The following GRIN2D variants were observed in gnomAD, a reference collection of about 807,000 sequenced individuals.
GRIN2D encodes the protein glutamate receptor ionotropic, NMDA 2D.
Under a neutral mutation model 103.2 loss-of-function variants are expected in GRIN2D, and 37 were observed. The ratio of observed to expected loss-of-function variants is 0.36; its 90% confidence interval spans 0.28 to 0.47. The LOEUF is 0.47. GRIN2D is among the 20% of genes least tolerant of loss of function. GRIN2D has a pLI of 1.00. For synonymous variants in GRIN2D, 845 were observed against 885.6 expected (o/e 0.95, Z 0.81); for missense variants, 1,557 against 1,910.6 (o/e 0.81, Z 3.45).
chr19:48,410,870 G>A (rs916051136), intron 4 of GRIN2D, among the ~76,000 whole-genome samples: 1 of 152,062 alleles, frequency 6.6e-6, no homozygotes, highest in East Asian at 1.9e-4. Flanking sequence ...CGGGAGGGAG[G>A]AAGGCGGCTA....
At chr19:48,440,446 A>G (rs1053867694) in intron 11 of GRIN2D, among the ~76,000 whole-genome samples, 1 of 152,066 alleles carries the variant, frequency 6.6e-6, no homozygotes, top group African/African-American at 2.4e-5. Flanking sequence ...TACAAAAATT[A>G]GCCAGATGTG....
chr19:48,424,265 A>ATTTT (rs569050730), intron 11 of GRIN2D, among the ~76,000 whole-genome samples: 11 of 101,364 alleles, frequency 1.1e-4, no homozygotes, highest in African/African-American at 1.5e-4. Context: ...AAAAAAAAAA[A>ATTTT]TTTTTTTTTT....
Position 48,443,735 on chromosome 19 carries a change from G to T in GRIN2D, c.3809G>T (p.Arg1270Leu). The change falls in exon 14 of 14, where the codon CGC (arginine) becomes CTC (leucine). Residue 1270 changes from arginine to leucine, a missense_variant. Arg to Leu is a moderately radical substitution (Grantham distance 102). Around this residue, in one of 7 missense-constraint regions of GRIN2D, gnomAD observed 11 missense variants for 29.1 expected, o/e 0.38. Coordinates refer to ENST00000263269, the MANE Select transcript of GRIN2D (RefSeq NM_000836.4). This position sits in a 1 kb window ranked among gnomAD's most constrained non-coding sequence, Gnocchi z 8.9. ...CTCCCGCCGCCCGCGCCCACCTCGC[G>T]CTCGCTCGAGGACCTCAGCTCGTGC... The part of the protein sequence containing the change: ...WDLPPPAPTS[R>L]SLEDLSSCPR... 7.4e-7 allele frequency: 1 copy of T among 1,354,476 alleles called. No individual in the cohort carries two copies. Among genetic ancestry groups the T allele is most frequent in the Non-Finnish European group, 9.5e-7 (1 of 1,054,778 alleles). 83.9% of individuals were successfully genotyped at this position (1,354,476 alleles called of 1,614,324 possible). A position where few individuals can be genotyped will look rare whatever the true frequency, so the allele number is the denominator to read the frequency against.
At chr19:48,412,922 G>A (rs1970893709) in intron 4 of GRIN2D, among the ~76,000 whole-genome samples, 1 of 148,844 alleles carries the variant, frequency 6.7e-6, no homozygotes, top group African/African-American at 2.5e-5. Context: ...CTGAGGCTGA[G>A]GTCAGGAGTT....
chr19:48,402,171 A>AAAGAAAGAAAGAAAGAAAGAGAGAGG (rs1970724646), intron 3 of GRIN2D, among the ~76,000 whole-genome samples: 1 of 151,808 alleles, frequency 6.6e-6, no homozygotes, highest in African/African-American at 2.4e-5. Flanking sequence ...AAAGAAAGAG[A>AAAGAAAGAAAGAAAGAAAGAGAGAGG]GAAAAGAAAA....
At chr19:48,395,791 C>T (rs540846144) in intron 2 of GRIN2D, among the ~76,000 whole-genome samples, 13 of 151,972 alleles carry the variant, frequency 8.6e-5, no homozygotes, top group Non-Finnish European at 1.8e-4. Flanking sequence ...AAAGGGGATC[C>T]TTAAGGGAGG....
intron 10 of GRIN2D, among the ~76,000 whole-genome samples, chr19:48,420,085 G>A (rs1971001715): frequency 6.6e-6 from 1 of 152,092 alleles, no homozygotes; most frequent in Non-Finnish European, 1.5e-5. Context: ...TGTCAAATAG[G>A]ATATTCTAGA....
chr19:48,435,051 C>T (rs987672100), intron 11 of GRIN2D, among the ~76,000 whole-genome samples: 1 of 152,180 alleles, frequency 6.6e-6, no homozygotes, highest in South Asian at 2.1e-4. Context: ...TTTCTATATA[C>T]AATTCTATTA....
In GRIN2D at chr19:48,412,425, GA is replaced by G. The variant is rs1002224728; in HGVS notation, c.1086-1563del. On this transcript the variant is annotated intron_variant, in intron 4 of 13. Transcript: ENST00000263269. ...AAGAAAGAAAGAAAGAGAAAGAAAAGAAAGAAAGAAAGAAAGAAAGAAAGAA... is the reference window on the plus strand; with the variant it reads ...AAGAAAGAAAGAAAGAGAAAGAAAAGAAGAAAGAAAGAAAGAAAGAAAGAA... Among the ~76,000 whole-genome samples the G allele has an allele frequency of 4.2e-5, 2 of 48,150 alleles. 1 individual carries two copies. Among genetic ancestry groups the G allele is most frequent in the South Asian group, 1.3e-3 (2 of 1,596 alleles). The allele number at this position is 48,150 out of a possible 152,430, so 31.6% of individuals were successfully genotyped here. A position where few individuals can be genotyped will look rare whatever the true frequency, so the allele number is the denominator to read the frequency against.
chr19:48,417,426 G>A (rs567039456), intron 8 of GRIN2D, among the ~76,000 whole-genome samples: 12 of 152,268 alleles, frequency 7.9e-5, no homozygotes, highest in East Asian at 1.9e-4. Context: ...TTGGGTAGAG[G>A]GACCATTGCT....
At chr19:48,431,153 T>C (rs1201036698) in intron 11 of GRIN2D, among the ~76,000 whole-genome samples, 2 of 152,204 alleles carry the variant, frequency 1.3e-5, no homozygotes, top group East Asian at 1.9e-4. Flanking sequence ...GTTGCTCTTA[T>C]GGCCTTCTGG....
Position 48,442,146 on chromosome 19 carries a change from C to G in GRIN2D, c.2441-4C>G, listed in dbSNP as rs774325833. On this transcript the variant is annotated splice_region_variant and splice_polypyrimidine_tract_variant and intron_variant, in intron 12 of 13. Transcript: ENST00000263269. This position sits in a 1 kb window ranked among gnomAD's most constrained non-coding sequence, Gnocchi z 7.2. ...GCAGGTGACTTTTGACCGCCCCTCC[C>G]TAGATGAGATCGAGATGCTGGAGCG... 4.4e-5 allele frequency: 71 copies of G among 1,613,580 alleles called. 2 individuals carry two copies. In the South Asian group the frequency reaches 7.7e-4, roughly 17 times the overall value.
At chr19:48,436,861 G>A (rs2147470751) in intron 11 of GRIN2D, among the ~76,000 whole-genome samples, 1 of 152,276 alleles carries the variant, frequency 6.6e-6, no homozygotes, top group South Asian at 2.1e-4. Context: ...CTTGGGAGAT[G>A]AGGGCAGATG....
chr19:48,432,590 C>T (rs941184628), intron 11 of GRIN2D, among the ~76,000 whole-genome samples: 1 of 150,990 alleles, frequency 6.6e-6, no homozygotes, highest in Non-Finnish European at 1.5e-5. Context: ...GCAATCCTCT[C>T]GCCTCAGCCT....
intron 11 of GRIN2D, among the ~76,000 whole-genome samples, chr19:48,434,606 TA>T (rs1971205887): frequency 6.6e-6 from 1 of 151,770 alleles, no homozygotes; most frequent in Non-Finnish European, 1.5e-5. Context: ...TTTTTAATTG[TA>T]TTTTTTTTTT....
intron 4 of GRIN2D, among the ~76,000 whole-genome samples, chr19:48,410,168 G>A (rs1425661279): frequency 6.6e-6 from 1 of 151,176 alleles, no homozygotes. Context: ...AAACCCAGAG[G>A]GGAGAGAAAC....
At chr19:48,432,578 A>G (rs1277804703) in intron 11 of GRIN2D, among the ~76,000 whole-genome samples, 1 of 151,716 alleles carries the variant, frequency 6.6e-6, no homozygotes, top group Non-Finnish European at 1.5e-5. Flanking sequence ...TCCTGGGCTC[A>G]AGCAATCCTC....
chr19:48,422,857 G>A (rs1033931687), intron 11 of GRIN2D, among the ~76,000 whole-genome samples: 3 of 152,006 alleles, frequency 2.0e-5, no homozygotes, highest in Admixed American at 6.6e-5. Flanking sequence ...TTTGTGAGGC[G>A]GAGACGGGCA....
At chr19:48,427,640 G>A (rs536946557) in intron 11 of GRIN2D, among the ~76,000 whole-genome samples, 1 of 151,010 alleles carries the variant, frequency 6.6e-6, no homozygotes. Flanking sequence ...CACTATGCCC[G>A]GGTAATTTTT....
Sources: allele counts gnomAD v4.1 joint callset (sites outside exome capture counted in the v4.1 genomes callset), GRCh38; gene constraint gnomAD v4.1.1; regional missense constraint gnomAD v4.1.1; non-coding constraint Gnocchi (gnomAD v3.1); transcripts MANE v1.5; gene names NCBI Gene and HGNC (gene_info 2026-07-23, HGNC 2026-07-21).